The following SLC35A3 variants were observed in gnomAD, a reference collection of about 807,000 sequenced individuals.
SLC35A3 encodes the protein solute carrier family 35 member A3, also known as UDP-N-acetylglucosamine transporter.
In SLC35A3, 26 loss-of-function variants were observed where a neutral mutation model predicts 39.0. The ratio of observed to expected loss-of-function variants is 0.67; its 90% CI spans 0.49 to 0.92. SLC35A3 has a LOEUF of 0.92. Among genes scored for constraint, SLC35A3 ranks in the 40% least tolerant of loss-of-function variants. The probability of loss-of-function intolerance (pLI) is 0.00; values close to 1 mark genes in which losing one functional copy is unlikely to be tolerated. For missense variants in SLC35A3, 299 were observed against 371.6 expected (o/e 0.80, Z 1.61); for synonymous variants, 135 against 133.1 (o/e 1.01, Z -0.10).
intron 5 of SLC35A3, among the ~76,000 whole-genome samples, chr1:100,014,350 A>G (rs989267147): frequency 1.3e-5 from 2 of 152,186 alleles, no homozygotes; most frequent in African/African-American, 4.8e-5. Context: ...CCACCTGAGT[A>G]GCTAGGACTA....
At chr1:99,983,868 G>A (rs1254787607) in intron 1 of SLC35A3, among the ~76,000 whole-genome samples, 1 of 152,066 alleles carries the variant, frequency 6.6e-6, no homozygotes, top group African/African-American at 2.4e-5. Flanking sequence ...TGATCCGCCG[G>A]CCTTGGCCTC....
At chr1:99,971,549 C>T (rs1656813991) in intron 1 of SLC35A3, among the ~76,000 whole-genome samples, 1 of 152,146 alleles carries the variant, frequency 6.6e-6, no homozygotes, top group South Asian at 2.1e-4. Context: ...CCTCGTGATC[C>T]ACCCACCTCG....
chr1:100,000,057 T>G (rs905687204), intron 3 of SLC35A3, among the ~76,000 whole-genome samples: 3 of 152,182 alleles, frequency 2.0e-5, no homozygotes, highest in African/African-American at 7.2e-5. Flanking sequence ...AGAGATATCC[T>G]TTTGATATAC....
chr1:99,997,408 TTTTATATATA>T lies in SLC35A3; in HGVS notation c.188-1851_188-1842del, dbSNP rs1417648442. Among the ~76,000 whole-genome samples, 35 of 55,720 alleles carry T rather than the reference TTTTATATATA, an allele frequency of 6.3e-4. 2 individuals carry two copies. The highest frequency in any genetic ancestry group is 2.5e-3 in the African/African-American group (34 of 13,504). 36.6% of individuals were successfully genotyped at this position (55,720 alleles called of 152,430 possible). A position where few individuals can be genotyped will look rare whatever the true frequency, so the allele number is the denominator to read the frequency against. ...ATACAGTTATATGTTTTATATATAG[TTTTATATATA>T]TATATATATATATATATATATATAT... On this transcript the variant is annotated intron_variant, in intron 2 of 7. Coordinates refer to ENST00000533028, the MANE Select transcript of SLC35A3 (RefSeq NM_012243.3).
At chr1:99,973,343 A>G (rs1656924480) in intron 1 of SLC35A3, among the ~76,000 whole-genome samples, 2 of 152,228 alleles carry the variant, frequency 1.3e-5, no homozygotes, top group Admixed American at 1.3e-4. Flanking sequence ...TCAGGTGAAT[A>G]TGAATTGGTA....
intron 1 of SLC35A3, among the ~76,000 whole-genome samples, chr1:99,991,177 G>A (rs777247148): frequency 5.9e-5 from 9 of 152,098 alleles, no homozygotes; most frequent in East Asian, 1.9e-4. Context: ...ATGATGTCTC[G>A]CTCTGTCGTC....
intron 3 of SLC35A3, among the ~76,000 whole-genome samples, chr1:100,003,523 T>C (rs1211753679): frequency 6.6e-6 from 1 of 152,146 alleles, no homozygotes; most frequent in African/African-American, 2.4e-5. Context: ...TTGTTGAGAC[T>C]TATAGCCTAA....
In SLC35A3 at chr1:99,993,528, G is replaced by C; in HGVS notation, c.-18-9G>C. The C allele has an allele frequency of 6.2e-7, 1 of 1,609,236 alleles. No homozygotes were observed. The highest frequency in any genetic ancestry group is 8.5e-7 in the Non-Finnish European group (1 of 1,177,242). On this transcript the variant is annotated splice_polypyrimidine_tract_variant and intron_variant, in intron 1 of 7. Coordinates refer to ENST00000533028, the MANE Select transcript of SLC35A3 (RefSeq NM_012243.3). ...CTTATTTATTTGCCCTGTTTATTTTGTTTTTCAGGCAAATGAAGATAAAAC... is the reference window on the plus strand; with the variant it reads ...CTTATTTATTTGCCCTGTTTATTTTCTTTTTCAGGCAAATGAAGATAAAAC...
rs139787104 is a variant in SLC35A3 at position 100,001,655 on chromosome 1, T to G, written c.342+2240T>G. ...CATGTCATTTGCAAAGAGGGACAAT[T>G]TGACTTCCTCTTTTCCAGTTTGGAT... On this transcript the variant is annotated intron_variant, in intron 3 of 7. Transcript: ENST00000533028. Among the ~76,000 whole-genome samples the G allele has an allele frequency of 2.9e-3, 443 of 152,258 alleles. 3 individuals are homozygous for G. The highest frequency in any genetic ancestry group is 0.01 in the African/African-American group (428 of 41,560).
chr1:100,018,266 A>G (rs700533), intron 7 of SLC35A3, among the ~76,000 whole-genome samples: 33,449 of 152,128 alleles, frequency 0.22, 5,075 homozygotes, highest in African/African-American at 0.43. Context: ...GGTGAGGAAG[A>G]AGACCCAGGA....
At chr1:100,008,280 T>C (rs1294772141) in intron 4 of SLC35A3, 1 of 152,152 alleles carries the variant, frequency 6.6e-6, no homozygotes, top group Non-Finnish European at 1.5e-5. Flanking sequence ...TTTAAATGAG[T>C]ATTACAAAAG....
chr1:99,970,491 ACGGGTGGGCCCGGCTGGGGCC>A (rs1656738222), intron 1 of SLC35A3: 1 of 1,395,790 alleles, frequency 7.2e-7, no homozygotes, highest in African/African-American at 1.4e-5. Context: ...GGAGCTAGTG[ACGGGTGGGCCCGGCTGGGGCC>A]CGTCATTCCT....
chr1:100,019,884 C>T (rs1194128532), intron 7 of SLC35A3, among the ~76,000 whole-genome samples: 1 of 152,128 alleles, frequency 6.6e-6, no homozygotes, highest in African/African-American at 2.4e-5. Context: ...AATTATTTTT[C>T]TTGTGCTTGT....
At chr1:100,007,843 A>C (rs1429255020) in intron 4 of SLC35A3, 2 of 151,382 alleles carry the variant, frequency 1.3e-5, no homozygotes, top group Non-Finnish European at 2.9e-5. Flanking sequence ...TTTAGTCCTC[A>C]GTGATACTTG....
intron 1 of SLC35A3, among the ~76,000 whole-genome samples, chr1:99,975,472 A>G (rs554909915): frequency 1.3e-5 from 2 of 152,354 alleles, no homozygotes; most frequent in East Asian, 3.9e-4. Flanking sequence ...TAAAAGGTAT[A>G]TACAAAATGG....
intron 5 of SLC35A3, among the ~76,000 whole-genome samples, chr1:100,012,359 A>G (rs887180358): frequency 3.3e-5 from 5 of 152,216 alleles, no homozygotes; most frequent in African/African-American, 1.2e-4. Flanking sequence ...AAATTGTAAG[A>G]TAAAAATGGA....
chr1:99,978,331 A>G (rs893610240), intron 1 of SLC35A3, among the ~76,000 whole-genome samples: 14 of 152,176 alleles, frequency 9.2e-5, no homozygotes, highest in Non-Finnish European at 2.1e-4. Context: ...CAGCCTGGGC[A>G]ACACAGGGAG....
rs76059829 is a variant in SLC35A3, at chr1:100,033,291, C to CA, written c.*10830dup. ...GCAACAGAGTGAGATCCTGTCTCTACAAAAAAAAAAAAAAAGATAAATTTT... is the reference window on the plus strand; with the variant it reads ...GCAACAGAGTGAGATCCTGTCTCTACAAAAAAAAAAAAAAAAGATAAATTTT... On this transcript the variant is annotated 3_prime_UTR_variant, in exon 8 of 8. Transcript: ENST00000533028. 2.2e-3 allele frequency: 197 copies of CA among 88,136 alleles called. No individual in the cohort carries two copies. Among genetic ancestry groups the CA allele is most frequent in the Middle Eastern group, 0.012 (2 of 170 alleles). 5.5% of individuals were successfully genotyped at this position (88,136 alleles called of 1,614,324 possible).
intron 1 of SLC35A3, among the ~76,000 whole-genome samples, chr1:99,991,344 C>T (rs773168802): frequency 4.7e-4 from 71 of 152,250 alleles, no homozygotes; most frequent in Non-Finnish European, 7.5e-4. Context: ...CGGGCTTTCA[C>T]TATGTTGGCC....
Sources: allele counts gnomAD v4.1 joint callset (sites outside exome capture counted in the v4.1 genomes callset), GRCh38; gene constraint gnomAD v4.1.1; transcripts MANE v1.5; gene names NCBI Gene and HGNC (gene_info 2026-07-23, HGNC 2026-07-21).